Variants in PROM1 observed in about 807,000 individuals in gnomAD.
PROM1 encodes prominin 1.
PROM1 carries 105 observed loss-of-function variants against 116.9 expected under a neutral mutation model. The ratio of observed to expected loss-of-function variants is 0.90; its 90% CI spans 0.77 to 1.06. The LOEUF (loss-of-function observed/expected upper bound fraction) is 1.06, where lower values mean the gene tolerates loss of function less well. Among genes scored for constraint, PROM1 ranks in the 50% least tolerant of loss-of-function variants. The pLI is 0.00. For synonymous variants in PROM1, 393 were observed against 387.0 expected, an observed-to-expected ratio of 1.02 and a Z score of -0.18; for missense variants, 1,122 against 1,045.2, an observed-to-expected ratio of 1.07 and a Z score of -1.01.
intron 4 of PROM1, among the ~76,000 whole-genome samples, chr4:16,034,984 G>A (rs1560537128): frequency 6.6e-6 from 1 of 152,190 alleles, no homozygotes; most frequent in Admixed American, 6.5e-5. Flanking sequence ...TTAACTCTAT[G>A]AGCAAATGCT....
At chr4:16,003,453 C>A (rs920025768) in intron 13 of PROM1, 9 of 455,778 alleles carry the variant, frequency 2.0e-5, no homozygotes, top group Admixed American at 1.6e-4. Flanking sequence ...TCAGAAACTG[C>A]CACCAGCCAT....
intron 23 of PROM1, among the ~76,000 whole-genome samples, chr4:15,982,027 C>G (rs1426910460): frequency 6.6e-6 from 1 of 152,184 alleles, no homozygotes; most frequent in Non-Finnish European, 1.5e-5. Flanking sequence ...ATGATGTAAC[C>G]TTATGGACCA....
chr4:16,076,270 AG>A (rs996986799), intron 1 of PROM1, among the ~76,000 whole-genome samples, 152 bp from the exon 2 acceptor site: 31 of 152,310 alleles, frequency 2.0e-4, no homozygotes, highest in Admixed American at 1.8e-3. Flanking sequence ...CCTGCTCCAG[AG>A]CCACAGGGCA....
rs553453466 is a variant in PROM1 at position 16,076,601 on chromosome 4, C to T, written c.-212-483G>A. On this transcript the variant is annotated intron_variant, in intron 1 of 27. Transcript: ENST00000447510. ...AGAGTCAAACCCACTAGTTTGCCTT[C>T]AAAGTCCAAGATCTAACTATGACAT... is the stretch of plus-strand genomic sequence containing the variant. The T allele has an allele frequency of 7.9e-5, 12 of 152,498 alleles. No homozygotes were observed. In the East Asian group the frequency reaches 1.7e-3, roughly 22 times the overall value. 9.4% of individuals were successfully genotyped at this position (152,498 alleles called of 1,614,324 possible). A position where few individuals can be genotyped will look rare whatever the true frequency, so the allele number is the denominator to read the frequency against.
intron 26 of PROM1, among the ~76,000 whole-genome samples, chr4:15,977,577 G>T (rs1716506272): frequency 6.6e-6 from 1 of 152,156 alleles, no homozygotes; most frequent in Non-Finnish European, 1.5e-5. Flanking sequence ...CAGATGAGAT[G>T]AAGTCAATTT....
At chr4:16,023,187 G>T in intron 8 of PROM1, 139 bp downstream of exon 8, 1 of 719,406 alleles carries the variant, frequency 1.4e-6, no homozygotes, top group Non-Finnish European at 2.5e-6. Context: ...ACAGTGTCTT[G>T]ACCTGAACTG....
Position 15,998,487 on chromosome 4 carries a change from A to T in PROM1, c.1580T>A (p.Val527Asp). ...ATTTAGTAAGTAGGGTGTATCCAAA[A>T]CCTAGAACACATTAGGAAGTATTTT... The part of the protein sequence containing the change: ...EPYTSKELFR[V>D]LDTPYLLNED... The change falls in exon 15 of 28, where the codon GTT becomes GAT. Residue 527 changes from valine to aspartate, a missense_variant and splice_region_variant. Coordinates refer to ENST00000447510, the MANE Select transcript of PROM1 (RefSeq NM_006017.3). 1 of 1,598,358 alleles carries T rather than the reference A, an allele frequency of 6.3e-7. No homozygotes were observed. The highest frequency in any genetic ancestry group is 8.5e-7 in the Non-Finnish European group (1 of 1,174,470).
At chr4:16,013,177 CTG>C (rs987770906) in intron 11 of PROM1, 96 bp downstream of exon 11, 6 of 948,832 alleles carry the variant, frequency 6.3e-6, no homozygotes, top group African/African-American at 3.3e-5. Context: ...TAATGAGAAA[CTG>C]TTTTTTTAAG....
intron 2 of PROM1, among the ~76,000 whole-genome samples, chr4:16,047,401 C>G (rs1171690045): frequency 3.9e-5 from 6 of 151,954 alleles, no homozygotes; most frequent in Non-Finnish European, 8.8e-5. Context: ...GATGGGATTT[C>G]ACCATGTTAG....
intron 2 of PROM1, among the ~76,000 whole-genome samples, chr4:16,041,172 A>G (rs762484845): frequency 6.6e-6 from 1 of 152,220 alleles, no homozygotes; most frequent in African/African-American, 2.4e-5. Flanking sequence ...GCGGTGGTAG[A>G]TAAGAATGCA....
At chr4:16,059,387 G>A (rs921077834) in intron 2 of PROM1, among the ~76,000 whole-genome samples, 2 of 152,158 alleles carry the variant, frequency 1.3e-5, no homozygotes, top group East Asian at 3.9e-4. Context: ...CATTTATGGA[G>A]TGCCATTAGG....
intron 16 of PROM1, 94 bp downstream of exon 16, chr4:15,993,893 T>A: frequency 6.5e-7 from 1 of 1,545,206 alleles, no homozygotes; most frequent in Non-Finnish European, 8.7e-7. Context: ...TTTTATCTTT[T>A]GCAAATTTCA....
chr4:16,048,373 C>T (rs1160928884), intron 2 of PROM1, among the ~76,000 whole-genome samples: 1 of 152,208 alleles, frequency 6.6e-6, no homozygotes, highest in Non-Finnish European at 1.5e-5. Context: ...TACAACAGGG[C>T]TGTACTTTTC....
rs1310246768 is a variant in PROM1, at chr4:16,023,673, G to T, written c.695-258C>A. On this transcript the variant is annotated intron_variant, in intron 7 of 27. Coordinates refer to ENST00000447510, the MANE Select transcript of PROM1 (RefSeq NM_006017.3). Reference sequence around the variant, plus strand: ...TCTTGACCTGTGTGTAACTCTCTGTGTATCTAACCTCTTCGGCTAGACCAG... The same window carrying T: ...TCTTGACCTGTGTGTAACTCTCTGTTTATCTAACCTCTTCGGCTAGACCAG... Among the ~76,000 whole-genome samples, 8 of 152,194 alleles carry T rather than the reference G, an allele frequency of 5.3e-5. 1 individual carries two copies. In the South Asian group the frequency reaches 1.4e-3, roughly 28 times the overall value.
At chr4:16,052,748 T>A (rs1276260294) in intron 2 of PROM1, among the ~76,000 whole-genome samples, 2 of 152,202 alleles carry the variant, frequency 1.3e-5, no homozygotes, top group East Asian at 3.8e-4. Context: ...CCCAAAGTGC[T>A]GGGATTACAG....
intron 15 of PROM1, 51 bp from the exon 16 acceptor site, chr4:15,994,122 C>G: frequency 1.9e-6 from 3 of 1,610,848 alleles, no homozygotes; most frequent in Non-Finnish European, 2.5e-6. Context: ...TTGCAGCTAC[C>G]TCTGTCCACC....
intron 2 of PROM1, among the ~76,000 whole-genome samples, chr4:16,067,312 GA>G: frequency 6.6e-6 from 1 of 152,328 alleles, no homozygotes; most frequent in Non-Finnish European, 1.5e-5. Flanking sequence ...ATCAGCGAAA[GA>G]AAAGTGGCAA....
chr4:16,004,855 TCC>T (rs1560460398), intron 13 of PROM1, among the ~76,000 whole-genome samples: 3 of 139,084 alleles, frequency 2.2e-5, no homozygotes, highest in Non-Finnish European at 4.7e-5. Context: ...CTTCCTTCCT[TCC>T]TTCCTCTCTC....
intron 2 of PROM1, among the ~76,000 whole-genome samples, chr4:16,054,839 T>A (rs1560582322): frequency 6.6e-6 from 1 of 152,030 alleles, no homozygotes; most frequent in Non-Finnish European, 1.5e-5. Flanking sequence ...CCTATAATGG[T>A]CAGTACTCGA....
Sources: allele counts gnomAD v4.1 joint callset (sites outside exome capture counted in the v4.1 genomes callset), GRCh38; gene constraint gnomAD v4.1.1; transcripts MANE v1.5; gene names NCBI Gene and HGNC (gene_info 2026-07-23, HGNC 2026-07-21).